The following TLN2 variants were observed in gnomAD, a reference collection of about 807,000 sequenced individuals.
The protein encoded by TLN2 is talin-2.
In TLN2, 118 loss-of-function variants were observed where a neutral mutation model predicts 294.7. The ratio of observed to expected loss-of-function variants is 0.40; its 90% confidence interval spans 0.34 to 0.47. The LOEUF is 0.47. Among genes scored for constraint, TLN2 ranks in the 20% least tolerant of loss-of-function variants. TLN2 has a pLI of 0.84. For synonymous variants in TLN2, 1,431 were observed against 1,304.5 expected, an observed-to-expected ratio of 1.10 and a Z score of -2.09; for missense variants, 3,083 against 3,282.2, an observed-to-expected ratio of 0.94 and a Z score of 1.48.
chr15:62,564,454 C>T (rs2043220827), intron 1 of TLN2, among the ~76,000 whole-genome samples: 1 of 152,168 alleles, frequency 6.6e-6, no homozygotes, highest in African/African-American at 2.4e-5. Context: ...GGGAAGATTT[C>T]AGAGAATGAG....
intron 11 of TLN2, among the ~76,000 whole-genome samples, chr15:62,680,014 T>C (rs1038852215): frequency 6.6e-6 from 1 of 152,242 alleles, no homozygotes; most frequent in Non-Finnish European, 1.5e-5. Context: ...TTCTGGGTTC[T>C]TTATTTTGTT....
intron 2 of TLN2, among the ~76,000 whole-genome samples, chr15:62,614,994 T>TG (rs1317296492): frequency 6.6e-5 from 10 of 151,438 alleles, no homozygotes; most frequent in African/African-American, 2.4e-4. Flanking sequence ...TTAGTAGAGA[T>TG]GGGGTTTCAC....
intron 22 of TLN2, among the ~76,000 whole-genome samples, chr15:62,713,915 TGC>T (rs1567432968): frequency 8.1e-5 from 10 of 122,756 alleles, no homozygotes; most frequent in Non-Finnish European, 1.6e-4. Context: ...TATATATATA[TGC>T]TGTGTGTGTG....
chr15:62,694,436 T>C (rs1341326935), intron 14 of TLN2, 44 bp downstream of exon 14: 3 of 1,561,620 alleles, frequency 1.9e-6, no homozygotes, highest in South Asian at 2.2e-5. Context: ...TCTCCCTAGA[T>C]AGGTAGGTTT....
At chr15:62,765,378 T>G (rs2062933854) in intron 40 of TLN2, among the ~76,000 whole-genome samples, 5 of 152,102 alleles carry the variant, frequency 3.3e-5, no homozygotes, top group Admixed American at 2.6e-4. Context: ...GCTCCTCTTT[T>G]TGAGGACACT....
chr15:62,546,835 A>T (rs1170528453), intron 1 of TLN2, among the ~76,000 whole-genome samples: 1 of 152,226 alleles, frequency 6.6e-6, no homozygotes, highest in Non-Finnish European at 1.5e-5. Flanking sequence ...AGCAATGAGG[A>T]GAACAAATCT....
intron 1 of TLN2, among the ~76,000 whole-genome samples, chr15:62,471,956 T>G (rs1162179022): frequency 6.6e-6 from 1 of 152,182 alleles, no homozygotes; most frequent in Non-Finnish European, 1.5e-5. Flanking sequence ...GTGCATTTCC[T>G]GCCTCCTTTC....
intron 3 of TLN2, among the ~76,000 whole-genome samples, chr15:62,646,803 G>A (rs2051912274): frequency 6.6e-6 from 1 of 152,174 alleles, no homozygotes; most frequent in African/African-American, 2.4e-5. Flanking sequence ...TGTGCCAAGA[G>A]GAGCACCTGA....
chr15:62,800,458 G>A lies in TLN2; in HGVS notation c.6325G>A (p.Asp2109Asn), dbSNP rs543868821. 4.8e-5 allele frequency: 77 copies of A among 1,614,200 alleles called. No homozygotes were observed. The East Asian group carries it at 7.8e-4, about 16-fold the overall frequency. The change falls in exon 49 of 59, where the codon GAC (aspartate) becomes AAC (asparagine). Residue 2109 changes from aspartate to asparagine, a missense_variant. By Grantham distance (23) the Asp-to-Asn change is conservative. Transcript: ENST00000636159. ...TKGAASKPVDDPSMYQLKGAA... is the reference protein window; with the variant it reads ...TKGAASKPVDNPSMYQLKGAA... ...GGGAGCTGCCAGCAAGCCAGTGGACGACCCTTCCATGTACCAGCTCAAGGG... is the reference window on the plus strand; with the variant it reads ...GGGAGCTGCCAGCAAGCCAGTGGACAACCCTTCCATGTACCAGCTCAAGGG...
chr15:62,565,476 G>C (rs1036756997), intron 1 of TLN2, among the ~76,000 whole-genome samples: 4 of 152,198 alleles, frequency 2.6e-5, no homozygotes, highest in African/African-American at 9.7e-5. Context: ...GGATATTTAA[G>C]AGCAGCAATT....
At chr15:62,646,732 C>T (rs994574577) in intron 3 of TLN2, among the ~76,000 whole-genome samples, 3 of 152,176 alleles carry the variant, frequency 2.0e-5, no homozygotes, top group African/African-American at 7.2e-5. Context: ...GTGACTTTCT[C>T]AGATTGACAC....
chr15:62,506,202 C>T (rs2039613533), intron 1 of TLN2, among the ~76,000 whole-genome samples: 1 of 152,060 alleles, frequency 6.6e-6, no homozygotes, highest in African/African-American at 2.4e-5. Context: ...CCTCTCTGTC[C>T]TCTGAAATCA....
Position 62,748,335 on chromosome 15 carries a change from T to A in TLN2, c.4026-16T>A, listed in dbSNP as rs76593424. ...TGATCTTCAAAAAAAAAAAAAAAAT[T>A]CTGTTTCTGTCACAGAGCTGTGACA... On this transcript the variant is annotated splice_polypyrimidine_tract_variant and intron_variant, in intron 32 of 58. Coordinates refer to ENST00000636159, the MANE Select transcript of TLN2 (RefSeq NM_015059.3). The A allele has an allele frequency of 3.8e-6, 6 of 1,574,516 alleles. No individual in the cohort carries two copies. The highest frequency in any genetic ancestry group is 5.2e-6 in the Non-Finnish European group (6 of 1,160,360).
At chr15:62,770,816 G>C in intron 41 of TLN2, 148 bp from the exon 42 acceptor site, 2 of 900,590 alleles carry the variant, frequency 2.2e-6, no homozygotes, top group South Asian at 2.4e-5. Flanking sequence ...TAATTAGCAA[G>C]CACTTTCAGC....
At chr15:62,645,157 C>T (rs2140927299) in intron 3 of TLN2, 1 of 153,614 alleles carries the variant, frequency 6.5e-6, no homozygotes, top group Non-Finnish European at 1.5e-5. Context: ...ATTTTATTTC[C>T]CCCAATCGGG....
rs752249129 is a variant in TLN2, at chr15:62,835,756, A to G, written c.7148A>G (p.Asn2383Ser). 9.3e-6 allele frequency: 15 copies of G among 1,614,010 alleles called. No individual in the cohort carries two copies. The African/African-American group carries it at 1.3e-4, about 14-fold the overall frequency. ...AQGKVGSIPA[N>S]AADDGQWSQG... ...CTCTAGGTGGGCTCCATCCCTGCCA[A>G]TGCTGCAGACGACGGACAGTGGTCA... The change falls in exon 56 of 59, where the codon AAT becomes AGT. Residue 2383 changes from asparagine (N) to serine (S), a missense_variant. By Grantham distance (46) the Asn-to-Ser change is conservative. Transcript: ENST00000636159.
In TLN2 at chr15:62,653,098, T is replaced by C. The variant is rs75842560; in HGVS notation, c.365-64T>C. ...GAGCTCCTTGGAATATCACAGGCCTTAGGCTGGAAGAGGTTGACAGCAGTT... is the reference window on the plus strand; with the variant it reads ...GAGCTCCTTGGAATATCACAGGCCTCAGGCTGGAAGAGGTTGACAGCAGTT... On this transcript the variant is annotated intron_variant, in intron 6 of 58. Coordinates refer to ENST00000636159, the MANE Select transcript of TLN2 (RefSeq NM_015059.3). 5.3e-3 allele frequency: 7,295 copies of C among 1,373,682 alleles called. 336 individuals carry two copies. In the African/African-American group the frequency reaches 0.094, roughly 18 times the overall value. The allele number at this position is 1,373,682 out of a possible 1,614,324, so 85.1% of individuals were successfully genotyped here. A position where few individuals can be genotyped will look rare whatever the true frequency, so the allele number is the denominator to read the frequency against.
intron 1 of TLN2, among the ~76,000 whole-genome samples, chr15:62,446,283 G>A (rs548338202): frequency 7.9e-5 from 12 of 152,224 alleles, no homozygotes; most frequent in East Asian, 1.9e-4. Context: ...GCGAGCCACC[G>A]CGCCCGGCTT....
In TLN2 at chr15:62,697,681, C is replaced by T. The variant is rs773158089; in HGVS notation, c.1293-7C>T. 1.2e-5 allele frequency: 19 copies of T among 1,589,880 alleles called. No homozygotes were observed. In the East Asian group the frequency reaches 4.3e-4, roughly 36 times the overall value. On this transcript the variant is annotated splice_polypyrimidine_tract_variant and splice_region_variant and intron_variant, in intron 14 of 58. Transcript: ENST00000636159. ...TCTCTCAGTGACCAAACCACTTTTC[C>T]CGGCAGGTCCACCATCTTGCAGCAG...
Sources: allele counts gnomAD v4.1 joint callset (sites outside exome capture counted in the v4.1 genomes callset), GRCh38; gene constraint gnomAD v4.1.1; transcripts MANE v1.5; gene names NCBI Gene and HGNC (gene_info 2026-07-23, HGNC 2026-07-21).